NRXN3: variants seen among roughly 807,000 people sequenced by gnomAD.
The protein encoded by NRXN3 is neurexin III.
Under a neutral mutation model 137.6 loss-of-function variants are expected in NRXN3, and 32 were observed. The observed-to-expected ratio is 0.23, with a 90% confidence interval of 0.18 to 0.31. The LOEUF is 0.31. Among genes scored for constraint, NRXN3 ranks in the 10% least tolerant of loss-of-function variants. The pLI, the probability that NRXN3 is intolerant of heterozygous loss-of-function variation, is 1.00. For synonymous variants in NRXN3, 798 were observed against 784.5 expected (o/e 1.02, Z -0.29); for missense variants, 1,574 against 2,062.5 (o/e 0.76, Z 4.59).
chr14:78,740,806 T>C (rs1176596845), intron 8 of NRXN3, among the ~76,000 whole-genome samples: 1 of 152,196 alleles, frequency 6.6e-6, no homozygotes, highest in Non-Finnish European at 1.5e-5. Flanking sequence ...ATCTTATATC[T>C]GAATTTATAT....
intron 8 of NRXN3, among the ~76,000 whole-genome samples, chr14:78,781,554 T>A (rs1274532674): frequency 3.3e-5 from 5 of 152,194 alleles, no homozygotes; most frequent in Admixed American, 3.3e-4. Flanking sequence ...CACTCCCTGC[T>A]CTCAATGGGA....
intron 15 of NRXN3, among the ~76,000 whole-genome samples, chr14:79,399,407 A>G (rs2095125504): frequency 6.6e-6 from 1 of 152,176 alleles, no homozygotes; most frequent in South Asian, 2.1e-4. Flanking sequence ...AAAATGTTCA[A>G]AGTATTGTAG....
intron 4 of NRXN3, among the ~76,000 whole-genome samples, chr14:78,434,230 G>T (rs937105316): frequency 1.3e-5 from 2 of 152,176 alleles, no homozygotes; most frequent in Non-Finnish European, 2.9e-5. Context: ...CTGAAAAATT[G>T]TCAGTCAAAT....
chr14:78,688,716 T>G (rs990193812), intron 6 of NRXN3, among the ~76,000 whole-genome samples: 1 of 152,002 alleles, frequency 6.6e-6, no homozygotes, highest in African/African-American at 2.4e-5. Context: ...GGTATTCAAA[T>G]GAAAAGCATT....
At chr14:78,373,816 C>CAT (rs2087300627) in intron 4 of NRXN3, among the ~76,000 whole-genome samples, 1 of 152,094 alleles carries the variant, frequency 6.6e-6, no homozygotes, top group East Asian at 1.9e-4. Flanking sequence ...ACTCATCACC[C>CAT]ACATATACTG....
At chr14:79,127,043 T>G (rs1205665113) in intron 15 of NRXN3, among the ~76,000 whole-genome samples, 1 of 152,144 alleles carries the variant, frequency 6.6e-6, no homozygotes, top group Non-Finnish European at 1.5e-5. Context: ...TCTTGTAAAT[T>G]TGTTTGAGTT....
At chr14:78,927,894 T>C (rs1468245309) in intron 10 of NRXN3, among the ~76,000 whole-genome samples, 1 of 152,122 alleles carries the variant, frequency 6.6e-6, no homozygotes, top group African/African-American at 2.4e-5. Flanking sequence ...TTTGGACAGT[T>C]TGCAAATGAG....
At chr14:79,131,547 A>G (rs78672428) in intron 15 of NRXN3, among the ~76,000 whole-genome samples, 103 of 152,294 alleles carry the variant, frequency 6.8e-4, no homozygotes, top group Non-Finnish European at 1.1e-3. Context: ...TCAGATCTCT[A>G]GCTGCATGCT....
intron 16 of NRXN3, among the ~76,000 whole-genome samples, chr14:79,562,305 C>T (rs1026154504): frequency 1.3e-5 from 2 of 152,138 alleles, no homozygotes; most frequent in African/African-American, 2.4e-5. Flanking sequence ...GAGTAGGATG[C>T]ATGTGAATGT....
chr14:79,663,557 G>A (rs144565070), intron 16 of NRXN3, among the ~76,000 whole-genome samples: 22 of 152,168 alleles, frequency 1.4e-4, no homozygotes, highest in Admixed American at 3.3e-4. Context: ...TAACCTGTGC[G>A]GTGCAGCCTG....
At chr14:78,387,639 T>A (rs73319540) in intron 4 of NRXN3, among the ~76,000 whole-genome samples, 4,299 of 152,258 alleles carry the variant, frequency 0.028, 181 homozygotes, top group African/African-American at 0.093. Flanking sequence ...CAATGAATAG[T>A]GAGTTCCTGG....
At chr14:78,594,785 CA>C (rs780979654) in intron 4 of NRXN3, among the ~76,000 whole-genome samples, 2 of 152,020 alleles carry the variant, frequency 1.3e-5, no homozygotes, top group African/African-American at 2.4e-5. Flanking sequence ...ACTGGCCTCT[CA>C]AAAAAAGTCT....
intron 8 of NRXN3, among the ~76,000 whole-genome samples, chr14:78,716,885 C>G (rs1044293871): frequency 5.3e-5 from 8 of 152,138 alleles, no homozygotes; most frequent in Non-Finnish European, 1.2e-4. Flanking sequence ...ACCACCAGAA[C>G]AGGAGCTATG....
chr14:78,544,430 C>T (rs1354417756), intron 4 of NRXN3, among the ~76,000 whole-genome samples: 3 of 152,322 alleles, frequency 2.0e-5, no homozygotes, highest in East Asian at 1.9e-4. Context: ...AGTGAACAAA[C>T]CCCTGCCTGA....
chr14:78,418,853 T>C (rs1021417589), intron 4 of NRXN3, among the ~76,000 whole-genome samples: 3 of 152,254 alleles, frequency 2.0e-5, no homozygotes, highest in African/African-American at 7.2e-5. Context: ...TTTTCATTTC[T>C]ATGTTACAGA....
At chr14:79,605,613 G>A (rs1051729348) in intron 16 of NRXN3, among the ~76,000 whole-genome samples, 2 of 152,076 alleles carry the variant, frequency 1.3e-5, no homozygotes, top group Non-Finnish European at 2.9e-5. Context: ...TCAGCCTCCC[G>A]AGTAGCTGGG....
chr14:78,718,395 T>C (rs2098444117), intron 8 of NRXN3, among the ~76,000 whole-genome samples: 1 of 151,984 alleles, frequency 6.6e-6, no homozygotes, highest in African/African-American at 2.4e-5. Flanking sequence ...AAACTGGAGT[T>C]TTCATGGCCC....
chr14:78,451,707 G>T (rs2094555728), intron 4 of NRXN3, among the ~76,000 whole-genome samples: 1 of 152,222 alleles, frequency 6.6e-6, no homozygotes, highest in Non-Finnish European at 1.5e-5. Context: ...TGTATTTTAA[G>T]AGTCCTGCGT....
chr14:79,697,403 A>T (rs74063918), intron 18 of NRXN3, among the ~76,000 whole-genome samples: 249 of 152,098 alleles, frequency 1.6e-3, no homozygotes, highest in African/African-American at 5.7e-3. Context: ...ATGAAGGAAT[A>T]GAGACTTGAT....
Sources: allele counts gnomAD v4.1 joint callset (sites outside exome capture counted in the v4.1 genomes callset), GRCh38; gene constraint gnomAD v4.1.1; transcripts MANE v1.5; gene names NCBI Gene and HGNC (gene_info 2026-07-23, HGNC 2026-07-21).